The following ABCD3 variants were observed in gnomAD, a reference collection of about 807,000 sequenced individuals.
ABCD3 encodes the protein ATP binding cassette subfamily D member 3, also known as ATP-binding cassette sub-family D member 3.
In ABCD3, 41 loss-of-function variants were observed where a neutral mutation model predicts 105.5. The ratio of observed to expected loss-of-function variants is 0.39; its 90% confidence interval spans 0.30 to 0.50. The LOEUF (loss-of-function observed/expected upper bound fraction) is 0.50. ABCD3 is among the 20% of genes least tolerant of loss of function. The pLI is 0.84. For synonymous variants in ABCD3, 258 were observed against 269.0 expected, an observed-to-expected ratio of 0.96 and a Z score of 0.40; for missense variants, 622 against 806.3, an observed-to-expected ratio of 0.77 and a Z score of 2.77.
At position 94,418,421 on chromosome 1, in the gene ABCD3, A is replaced by AGCC. The variant is rs527684035; in HGVS notation, c.-37_-35dup. The AGCC allele has an allele frequency of 8.2e-3, 11,582 of 1,405,190 alleles. 56 individuals carry two copies. Among genetic ancestry groups the AGCC allele is most frequent in the African/African-American group, 0.034 (2,386 of 70,014 alleles). The allele number at this position is 1,405,190 out of a possible 1,614,324, so 87.0% of individuals were successfully genotyped here. On this transcript the variant is annotated 5_prime_UTR_variant, in exon 1 of 23. Transcript: ENST00000370214. ...TCCCCCGCGCTGCGTGCAGTAAGGT[A>AGCC]GCCGCCGCCGCCGCCGCCGCCGCGT...
At chr1:94,453,016 C>A (rs918317160) in intron 1 of ABCD3, among the ~76,000 whole-genome samples, 1 of 152,152 alleles carries the variant, frequency 6.6e-6, no homozygotes, top group Admixed American at 6.5e-5. Flanking sequence ...GGGATCCACC[C>A]GTCTGGCCTT....
chr1:94,433,514 CTA>C (rs1479719453), intron 1 of ABCD3, among the ~76,000 whole-genome samples: 5 of 151,946 alleles, frequency 3.3e-5, no homozygotes, highest in Non-Finnish European at 5.9e-5. Context: ...AACATAGATG[CTA>C]TATACACACC....
chr1:94,403,121 A>G, the ABCD3 span, among the ~76,000 whole-genome samples: 1 of 151,990 alleles, frequency 6.6e-6, no homozygotes, highest in East Asian at 1.9e-4. Context: ...TGTCCCTACA[A>G]AGGACATGAA....
intron 1 of ABCD3, among the ~76,000 whole-genome samples, chr1:94,425,106 A>G (rs1184524169): frequency 6.6e-6 from 1 of 152,202 alleles, no homozygotes; most frequent in Non-Finnish European, 1.5e-5. Flanking sequence ...TATACCCCCT[A>G]TATGTACAGG....
At chr1:94,456,255 A>ATTTTTTTTT (rs71094301) in intron 1 of ABCD3, among the ~76,000 whole-genome samples, 1 of 44,958 alleles carries the variant, frequency 2.2e-5, no homozygotes, top group African/African-American at 8.9e-5. Flanking sequence ...AAATGACAGA[A>ATTTTTTTTT]TTTTTTTTTT....
Position 94,468,011 on chromosome 1 carries a change from CT to C in ABCD3, c.335+9del. 2.5e-6 allele frequency: 4 copies of C among 1,596,050 alleles called. No homozygotes were observed. The highest frequency in any genetic ancestry group is 3.4e-6 in the Non-Finnish European group (4 of 1,163,834). On this transcript the variant is annotated splice_donor_5th_base_variant and intron_variant, in intron 4 of 22. Transcript: ENST00000370214. ...AAAATGGGACACTAATTGAAAGGTA[CT>C]TTTTCAATCACCTTCCTCCTATATG...
At chr1:94,413,956 G>A (rs535207357), upstream of ABCD3, among the ~76,000 whole-genome samples, 9 of 152,228 alleles carry the variant, frequency 5.9e-5, no homozygotes, top group South Asian at 2.1e-4. Context: ...TGAACGCTTC[G>A]TTTTAAAGGA....
rs200504644 is a variant in ABCD3 at position 94,487,923 on chromosome 1, G to A, written c.1097G>A (p.Arg366Gln). ...TACCAAAGTGGAAGAATGCTTTTGC[G>A]AATGTCTCAAGCTCTGGGTCGAATA... ...DYYQSGRMLL[R>Q]MSQALGRIVL... Residue 366 changes from arginine (R) to glutamine (Q), a missense_variant, in exon 13 of 23, where the codon CGA becomes CAA. Physicochemically the swap from Arg to Gln is conservative, Grantham distance 43 (BLOSUM62 1). Coordinates refer to ENST00000370214, the MANE Select transcript of ABCD3 (RefSeq NM_002858.4). The A allele has an allele frequency of 5.0e-6, 8 of 1,613,802 alleles. No homozygotes were observed. Among genetic ancestry groups the A allele is most frequent in the East Asian group, 2.2e-5 (1 of 44,844 alleles).
chr1:94,467,552 T>C (rs1648211976), intron 3 of ABCD3, among the ~76,000 whole-genome samples: 1 of 152,220 alleles, frequency 6.6e-6, no homozygotes, highest in Admixed American at 6.5e-5. Flanking sequence ...CATTTTTCTT[T>C]GTTAAAGTTA....
chr1:94,395,408 G>A, the ABCD3 span, among the ~76,000 whole-genome samples: 1 of 152,220 alleles, frequency 6.6e-6, no homozygotes, highest in African/African-American at 2.4e-5. Flanking sequence ...AAGGTCAGGA[G>A]AGAGAGAGAT....
intron 1 of ABCD3, among the ~76,000 whole-genome samples, chr1:94,451,455 C>A (rs191897867): frequency 4.6e-5 from 7 of 152,310 alleles, no homozygotes; most frequent in Admixed American, 3.9e-4. Flanking sequence ...ACAACTTAAA[C>A]CAAGTTCCTT....
At chr1:94,470,451 G>A (rs187260312) in intron 4 of ABCD3, among the ~76,000 whole-genome samples, 1 of 152,220 alleles carries the variant, frequency 6.6e-6, no homozygotes, top group Non-Finnish European at 1.5e-5. Context: ...TTGCCATTCC[G>A]ATTGCTCAGC....
chr1:94,429,410 A>G (rs1659590210), intron 1 of ABCD3, among the ~76,000 whole-genome samples: 1 of 152,188 alleles, frequency 6.6e-6, no homozygotes, highest in Non-Finnish European at 1.5e-5. Flanking sequence ...CAATGGGGAA[A>G]ATGTCTCCAG....
At chr1:94,397,571 G>T in the ABCD3 span, among the ~76,000 whole-genome samples, 23 of 152,148 alleles carry the variant, frequency 1.5e-4, no homozygotes, top group Non-Finnish European at 2.2e-4. Context: ...TCTTCTCATT[G>T]CATCATGTCA....
intron 1 of ABCD3, among the ~76,000 whole-genome samples, chr1:94,445,021 C>T (rs956905028): frequency 3.3e-5 from 5 of 152,346 alleles, no homozygotes; most frequent in African/African-American, 9.6e-5. Context: ...AGGACATGTT[C>T]CTGCTGCAGA....
At chr1:94,439,541 C>G (rs1660058338) in intron 1 of ABCD3, among the ~76,000 whole-genome samples, 1 of 152,092 alleles carries the variant, frequency 6.6e-6, no homozygotes, top group Non-Finnish European at 1.5e-5. Flanking sequence ...GCTCAGGAGG[C>G]TGATACAGGA....
At chr1:94,476,172 C>A (rs1408144559) in intron 7 of ABCD3, among the ~76,000 whole-genome samples, 1 of 152,148 alleles carries the variant, frequency 6.6e-6, no homozygotes, top group Non-Finnish European at 1.5e-5. Flanking sequence ...AAGTAGTAGT[C>A]AAAAAATTTC....
the ABCD3 span, among the ~76,000 whole-genome samples, chr1:94,393,466 C>G: frequency 6.6e-6 from 1 of 152,028 alleles, no homozygotes; most frequent in South Asian, 2.1e-4. Flanking sequence ...TGGTAAAACC[C>G]CGTCTCGACT....
chr1:94,508,964 G>A (rs1370612973), intron 21 of ABCD3, among the ~76,000 whole-genome samples: 1 of 152,104 alleles, frequency 6.6e-6, no homozygotes, highest in African/African-American at 2.4e-5. Flanking sequence ...TTTCCTAATT[G>A]AATACCCTTT....
Sources: gnomAD v4.1 joint callset for allele counts (sites outside exome capture counted in the v4.1 genomes callset) on GRCh38, gnomAD v4.1.1 for gene constraint, MANE v1.5 for transcripts, NCBI Gene and HGNC (gene_info 2026-07-23, HGNC 2026-07-21) for gene names.